The following PMPCB variants were observed in gnomAD, a reference collection of about 807,000 sequenced individuals.
The protein encoded by PMPCB is mitochondrial-processing peptidase subunit beta.
In PMPCB, 46 loss-of-function variants were observed where a neutral mutation model predicts 61.5. The observed-to-expected ratio is 0.75, with a 90% confidence interval of 0.59 to 0.96. The LOEUF (loss-of-function observed/expected upper bound fraction) is 0.96. Ranked by LOEUF, PMPCB falls within the 40% of genes least tolerant of loss-of-function variation. PMPCB has a pLI of 0.00. For synonymous variants in PMPCB, 191 were observed against 201.6 expected, an observed-to-expected ratio of 0.95 and a Z score of 0.44; for missense variants, 590 against 602.4, an observed-to-expected ratio of 0.98 and a Z score of 0.22.
chr7:103,344,431 C>G, the PMPCB span: 1 of 1,030,610 alleles, frequency 9.7e-7, no homozygotes, highest in Non-Finnish European at 1.5e-6. Context: ...AGGCACTCGT[C>G]ACGGCCCCAT....
downstream of PMPCB, among the ~76,000 whole-genome samples, chr7:103,317,709 G>A (rs1818149888): frequency 6.6e-6 from 1 of 152,100 alleles, no homozygotes; most frequent in African/African-American, 2.4e-5. Context: ...GGAGTGCAGT[G>A]GTGTGATTTC....
chr7:103,321,889 A>C (rs751105941), intron 12 of PMPCB: 17 of 1,560,724 alleles, frequency 1.1e-5, no homozygotes, highest in Non-Finnish European at 1.5e-5. Flanking sequence ...CTTAATAAGC[A>C]ACTTGATTTA....
the PMPCB span, chr7:103,344,334 G>A: frequency 3.4e-6 from 2 of 585,316 alleles, no homozygotes; most frequent in Non-Finnish European, 6.1e-6. Context: ...GCGAGAGGAG[G>A]AAGCAACGGT....
At chr7:103,299,300 G>T (rs1817383321) in intron 2 of PMPCB, 143 bp from the exon 3 acceptor site, 2 of 595,298 alleles carry the variant, frequency 3.4e-6, no homozygotes, top group African/African-American at 3.7e-5. Flanking sequence ...ATAGTTCACA[G>T]GAATGAACTA....
At chr7:103,340,808 G>T in the PMPCB span, among the ~76,000 whole-genome samples, 8 of 152,100 alleles carry the variant, frequency 5.3e-5, no homozygotes, top group Non-Finnish European at 1.2e-4. Context: ...AAAGTCTTTG[G>T]CTGTAACCTC....
rs1024550450 is a variant in PMPCB at position 103,322,135 on chromosome 7, G to T, written c.*1432-6796G>T. 8 of 1,307,164 alleles carry T rather than the reference G, an allele frequency of 6.1e-6. No individual in the cohort carries two copies. The African/African-American group carries it at 7.6e-5, about 12-fold the overall frequency. 81.0% of individuals were successfully genotyped at this position (1,307,164 alleles called of 1,614,324 possible). On this transcript the variant is annotated intron_variant and NMD_transcript_variant, in intron 12 of 12. Transcript: ENST00000444457. ...AATAGGTACAGTAAAATTCCTAAAT[G>T]TTTTATAATTTTAAAAATTTAAACT... is the stretch of plus-strand genomic sequence containing the variant.
chr7:103,347,354 A>G, the PMPCB span, among the ~76,000 whole-genome samples: 1 of 152,226 alleles, frequency 6.6e-6, no homozygotes, highest in African/African-American at 2.4e-5. Flanking sequence ...TTATTTGCCC[A>G]CTTAAAAAAT....
chr7:103,342,375 G>A, the PMPCB span, among the ~76,000 whole-genome samples: 1 of 151,256 alleles, frequency 6.6e-6, no homozygotes. Flanking sequence ...GCGAGATCTC[G>A]GCTCAATGCC....
chr7:103,304,006 G>A lies in PMPCB; in HGVS notation c.622G>A (p.Gly208Arg). 3 of 1,613,800 alleles carry A rather than the reference G, an allele frequency of 1.9e-6. No homozygotes were observed. Among genetic ancestry groups the A allele is most frequent in the Non-Finnish European group, 2.5e-6 (3 of 1,179,780 alleles). The change falls in exon 5 of 13, where the codon GGA becomes AGA. Residue 208 changes from glycine to arginine, a missense_variant. Transcript: ENST00000249269. ...HATAYQNTALGRTILGPTENI... is the reference protein window; with the variant it reads ...HATAYQNTALRRTILGPTENI... ...CACAGCTTATCAAAATACTGCACTT[G>A]GACGGACAATTTTGGGACCAACTGA...
the PMPCB span, among the ~76,000 whole-genome samples, chr7:103,342,272 A>G: frequency 6.6e-6 from 1 of 152,064 alleles, no homozygotes; most frequent in African/African-American, 2.4e-5. Flanking sequence ...AATGTTGCAA[A>G]CTACTTTACT....
Position 103,310,308 on chromosome 7 carries a change from C to A in PMPCB, c.994-7C>A, listed in dbSNP as rs1490365518. On this transcript the variant is annotated splice_region_variant and splice_polypyrimidine_tract_variant and intron_variant, in intron 8 of 12. Coordinates refer to ENST00000249269, the MANE Select transcript of PMPCB (RefSeq NM_004279.3). ...AAAATTCTCTTGGAATTTTTTTTTCCTTGCAGAATTTATCTAGCAAGCTGG... is the reference window on the plus strand; with the variant it reads ...AAAATTCTCTTGGAATTTTTTTTTCATTGCAGAATTTATCTAGCAAGCTGG... 4 of 1,598,550 alleles carry A rather than the reference C, an allele frequency of 2.5e-6. No homozygotes were observed. Among genetic ancestry groups the A allele is most frequent in the Admixed American group, 3.6e-5 (2 of 55,602 alleles).
At chr7:103,303,044 A>T (rs1224876705) in intron 4 of PMPCB, among the ~76,000 whole-genome samples, 1 of 152,150 alleles carries the variant, frequency 6.6e-6, no homozygotes, top group Non-Finnish European at 1.5e-5. Context: ...TAATGGCCTA[A>T]TATAACATGT....
At chr7:103,327,567 G>GCAT in intron 12 of PMPCB, 1 of 836,720 alleles carries the variant, frequency 1.2e-6, no homozygotes, top group Non-Finnish European at 1.9e-6. Context: ...ATAGTTGAAT[G>GCAT]AACTACAGTA....
chr7:103,307,552 A>G (rs768430551), intron 6 of PMPCB, 44 bp from the exon 7 acceptor site: 30 of 1,115,792 alleles, frequency 2.7e-5, no homozygotes, highest in Non-Finnish European at 3.4e-5. Flanking sequence ...ATTGTAAACT[A>G]TATTGCTGCT....
In PMPCB at chr7:103,297,564, C is replaced by T; in HGVS notation, c.99+6C>T. The T allele has an allele frequency of 3.1e-6, 5 of 1,611,628 alleles. No homozygotes were observed. Among genetic ancestry groups the T allele is most frequent in the Non-Finnish European group, 3.4e-6 (4 of 1,178,548 alleles). ...TCCGAGGCGCTGCGGGACGGGTGAG[C>T]TTCCCTCCAGGCCGGTCCTGTCCTC... On this transcript the variant is annotated splice_donor_region_variant and intron_variant, in intron 1 of 12. Transcript: ENST00000249269.
At position 103,325,471 on chromosome 7, in the gene PMPCB, A is replaced by G. The variant is rs544003017; in HGVS notation, c.*1432-3460A>G. Among the ~76,000 whole-genome samples, 12 of 151,930 alleles carry G rather than the reference A, an allele frequency of 7.9e-5. No homozygotes were observed. The East Asian group carries it at 2.3e-3, about 29-fold the overall frequency. On this transcript the variant is annotated intron_variant and NMD_transcript_variant, in intron 12 of 12. Coordinates refer to the PMPCB transcript ENST00000444457. ...AAGGAAAAAAAAAAAACCAAAAAAC[A>G]GGTGAAATCCAAGGGAGAAAGGATG...
intron 12 of PMPCB, among the ~76,000 whole-genome samples, chr7:103,327,076 A>G (rs1446605767): frequency 6.6e-6 from 1 of 152,198 alleles, no homozygotes; most frequent in East Asian, 1.9e-4. Context: ...TGTGCATACA[A>G]CTGTTCAAAA....
chr7:103,312,143 T>G lies in PMPCB; in HGVS notation c.1405+12T>G. 6.2e-7 allele frequency: 1 copy of G among 1,614,102 alleles called. No homozygotes were observed. The highest frequency in any genetic ancestry group is 8.5e-7 in the Non-Finnish European group (1 of 1,179,972). ...TATTGCTGCTGTTGGTAAGCCTGGC[T>G]TCTTTTCTTCTATGCAAAAAGTTGG... On this transcript the variant is annotated intron_variant, in intron 12 of 12. Coordinates refer to ENST00000249269, the MANE Select transcript of PMPCB (RefSeq NM_004279.3).
Position 103,297,527 on chromosome 7 carries a change from A to G in PMPCB, c.68A>G (p.Glu23Gly). The G allele has an allele frequency of 1.2e-6, 2 of 1,604,632 alleles. No homozygotes were observed. The highest frequency in any genetic ancestry group is 1.3e-5 in the African/African-American group (1 of 74,596). The stretch of plus-strand genomic sequence containing the variant: ...CGGCGGCGGCTCTGGGGTTTCAGCG[A>G]GAGTCTTCTAATCCGAGGCGCTGCG... Reference protein sequence around the residue: ...AARRRLWGFSESLLIRGAAGR... With the variant: ...AARRRLWGFSGSLLIRGAAGR... Residue 23 changes from glutamate to glycine, a missense_variant, in exon 1 of 13, where the codon GAG becomes GGG. By Grantham distance (98) the Glu-to-Gly change is moderately conservative. Transcript: ENST00000249269.
Sources: allele counts gnomAD v4.1 joint callset (sites outside exome capture counted in the v4.1 genomes callset), GRCh38; gene constraint gnomAD v4.1.1; transcripts MANE v1.5; gene names NCBI Gene and HGNC (gene_info 2026-07-23, HGNC 2026-07-21).